VCPIP1: variants seen among roughly 807,000 people sequenced by gnomAD.
VCPIP1 encodes valosin containing protein interacting protein 1.
Under a neutral mutation model 85.0 loss-of-function variants are expected in VCPIP1, and 8 were observed. That is an observed-to-expected ratio of 0.09 (90% CI 0.06 to 0.17). VCPIP1 has a LOEUF of 0.17. Ranked by LOEUF, VCPIP1 falls within the 10% of genes least tolerant of loss-of-function variation. The probability of loss-of-function intolerance (pLI) is 1.00; values close to 1 mark genes in which losing one functional copy is unlikely to be tolerated. For missense variants in VCPIP1, 1,070 were observed against 1,486.3 expected (o/e 0.72, Z 4.61); for synonymous variants, 543 against 544.5 (o/e 1.00, Z 0.04).
chr8:66,645,759 CAAAAAAAA>C (rs1179669993), intron 2 of VCPIP1, among the ~76,000 whole-genome samples: 7 of 57,488 alleles, frequency 1.2e-4, no homozygotes, highest in Non-Finnish European at 1.6e-4. Flanking sequence ...CCTGTCTCTA[CAAAAAAAA>C]AAAAAAAAAA....
At chr8:66,650,130 A>G (rs763455908) in intron 2 of VCPIP1, among the ~76,000 whole-genome samples, 24 of 152,294 alleles carry the variant, frequency 1.6e-4, no homozygotes, top group Non-Finnish European at 3.1e-4. Flanking sequence ...AGAAGGAAAA[A>G]AAGGAAATAT....
In VCPIP1 at chr8:66,632,749, C is replaced by T. The variant is rs879344576; in HGVS notation, c.*1752G>A. On this transcript the variant is annotated 3_prime_UTR_variant, in exon 3 of 3. Coordinates refer to ENST00000310421, the MANE Select transcript of VCPIP1 (RefSeq NM_025054.5). Reference sequence around the variant, plus strand: ...GGTTAGTGAAGTGATATTTGTAATTCGTAGTTTAATACACAGAAGCCACCT... The same window carrying T: ...GGTTAGTGAAGTGATATTTGTAATTTGTAGTTTAATACACAGAAGCCACCT... 5.9e-5 allele frequency: 9 copies of T among 152,108 alleles called. No individual in the cohort carries two copies. Among genetic ancestry groups the T allele is most frequent in the African/African-American group, 1.9e-4 (8 of 41,530 alleles). The allele number at this position is 152,108 out of a possible 1,614,324, so 9.4% of individuals were successfully genotyped here.
At chr8:66,657,312 A>G (rs1036502354) in intron 1 of VCPIP1, among the ~76,000 whole-genome samples, 1 of 152,232 alleles carries the variant, frequency 6.6e-6, no homozygotes, top group East Asian at 1.9e-4. Context: ...AAATTTAAAG[A>G]AACAATTCAA....
rs553710739 is a variant in VCPIP1, at chr8:66,634,404, G to A, written c.*97C>T. 2.3e-5 allele frequency: 31 copies of A among 1,359,222 alleles called. No homozygotes were observed. Among genetic ancestry groups the A allele is most frequent in the African/African-American group, 2.2e-4 (15 of 68,720 alleles). 84.2% of individuals were successfully genotyped at this position (1,359,222 alleles called of 1,614,324 possible). A position where few individuals can be genotyped will look rare whatever the true frequency, so the allele number is the denominator to read the frequency against. ...AAGATATAATCTTTGAATTATATAC[G>A]TACAAGATTTTTAATGACTAATCAA... is the stretch of plus-strand genomic sequence containing the variant. On this transcript the variant is annotated 3_prime_UTR_variant, in exon 3 of 3. Coordinates refer to ENST00000310421, the MANE Select transcript of VCPIP1 (RefSeq NM_025054.5).
At chr8:66,656,314 C>T (rs1811099686) in intron 1 of VCPIP1, among the ~76,000 whole-genome samples, 1 of 152,108 alleles carries the variant, frequency 6.6e-6, no homozygotes, top group Admixed American at 6.5e-5. Context: ...CTCACCTCAG[C>T]TTCCTGAGTA....
intron 1 of VCPIP1, among the ~76,000 whole-genome samples, chr8:66,654,693 C>T (rs1225635660): frequency 1.3e-5 from 2 of 152,152 alleles, no homozygotes; most frequent in Non-Finnish European, 2.9e-5. Flanking sequence ...AGTCCTGCAC[C>T]ACTCTCCTAT....
At chr8:66,653,685 T>C (rs949984690) in intron 1 of VCPIP1, 1 of 152,218 alleles carries the variant, frequency 6.6e-6, no homozygotes. Context: ...CATACCTAGT[T>C]ATTCCTAATT....
chr8:66,664,383 T>C lies in VCPIP1; in HGVS notation c.2576A>G (p.Gln859Arg). 1 of 1,613,848 alleles carries C rather than the reference T, an allele frequency of 6.2e-7. No homozygotes were observed. The highest frequency in any genetic ancestry group is 8.5e-7 in the Non-Finnish European group (1 of 1,179,668). ...EILKSKAEGG[Q>R]SAAAHSAHTV... is the part of the protein sequence containing the mutation. Reference sequence around the variant, plus strand: ...GTGGGCTGAGTGTGCTGCAGCAGACTGACCACCTTCAGCTTTACTTTTTAG... The same window carrying C: ...GTGGGCTGAGTGTGCTGCAGCAGACCGACCACCTTCAGCTTTACTTTTTAG... The change falls in exon 1 of 3, where the codon CAG becomes CGG. Residue 859 changes from glutamine (Q) to arginine (R), a missense_variant. Physicochemically the swap from Gln to Arg is conservative, Grantham distance 43. Transcript: ENST00000310421.
rs182085713 is a variant in VCPIP1 at position 66,659,653 on chromosome 8, C to T, written c.2710+4596G>A. ...GCCCATTTAGTGAAAACATACAGGC[C>T]GGGTGCAGTGGCTCACGCCTGTAAT... On this transcript the variant is annotated intron_variant, in intron 1 of 2. Transcript: ENST00000310421. Among the ~76,000 whole-genome samples the T allele has an allele frequency of 1.2e-3, 190 of 152,134 alleles. 1 individual carries two copies. The highest frequency in any genetic ancestry group is 3.7e-3 in the African/African-American group (155 of 41,518).
At chr8:66,651,595 C>A in intron 1 of VCPIP1, 51 bp from the exon 2 acceptor site, 2 of 1,492,856 alleles carry the variant, frequency 1.3e-6, no homozygotes, top group Non-Finnish European at 9.2e-7. Context: ...AGAGTTCCAT[C>A]CAGGGCTGCT....
At position 66,667,060 on chromosome 8, in the gene VCPIP1, G is replaced by T; in HGVS notation, c.-102C>A. On this transcript the variant is annotated 5_prime_UTR_variant, in exon 1 of 3. Transcript: ENST00000310421. ...ACTCGGTCCAGTCCAGGCCCAGGGC[G>T]AAGCACTTTCCTTTCCCTACCAGCT... 1.4e-6 allele frequency: 2 copies of T among 1,412,584 alleles called. No individual in the cohort carries two copies. The highest frequency in any genetic ancestry group is 3.2e-5 in the South Asian group (2 of 61,592). The allele number at this position is 1,412,584 out of a possible 1,614,324, so 87.5% of individuals were successfully genotyped here.
chr8:66,638,985 T>TATATATATATATATATATATAC (rs1302544149), intron 2 of VCPIP1, among the ~76,000 whole-genome samples: 4 of 148,940 alleles, frequency 2.7e-5, no homozygotes, highest in African/African-American at 5.0e-5. Context: ...TATATATATA[T>TATATATATATATATATATATAC]ACATATATTT....
intron 2 of VCPIP1, among the ~76,000 whole-genome samples, chr8:66,643,310 G>A (rs928693974): frequency 2.0e-5 from 3 of 150,108 alleles, no homozygotes; most frequent in African/African-American, 2.5e-5. Flanking sequence ...GCAATAGAGT[G>A]AGACTTCATC....
intron 2 of VCPIP1, among the ~76,000 whole-genome samples, chr8:66,646,482 A>T (rs1810996823): frequency 6.6e-6 from 1 of 152,174 alleles, no homozygotes; most frequent in Non-Finnish European, 1.5e-5. Flanking sequence ...CTTTTTGAAG[A>T]AATCAAGCTG....
chr8:66,652,010 CAA>C (rs113576250), intron 1 of VCPIP1, among the ~76,000 whole-genome samples: 9 of 73,512 alleles, frequency 1.2e-4, no homozygotes, highest in Admixed American at 3.3e-4. Flanking sequence ...TCTATCTCTA[CAA>C]AAAAAAAAAA....
chr8:66,655,236 A>G (rs1053549667), intron 1 of VCPIP1, among the ~76,000 whole-genome samples: 1 of 152,210 alleles, frequency 6.6e-6, no homozygotes, highest in African/African-American at 2.4e-5. Flanking sequence ...TTTTACCCCC[A>G]GGGCCTCGCA....
chr8:66,652,047 T>C (rs1053202202), intron 1 of VCPIP1, among the ~76,000 whole-genome samples: 1 of 149,672 alleles, frequency 6.7e-6, no homozygotes, highest in South Asian at 2.1e-4. Context: ...CGTGGTGGCA[T>C]GTGCCTGTCA....
In VCPIP1 at chr8:66,634,938, T is replaced by A; in HGVS notation, c.3232A>T (p.Asn1078Tyr). Residue 1078 changes from asparagine to tyrosine, a missense_variant, in exon 3 of 3, where the codon AAT (asparagine) becomes TAT (tyrosine). Physicochemically the swap from Asn to Tyr is moderately radical, Grantham distance 143. Coordinates refer to ENST00000310421, the MANE Select transcript of VCPIP1 (RefSeq NM_025054.5). The stretch of plus-strand genomic sequence containing the variant: ...GGAGCTATTCGAATAAGCTCACTAT[T>A]ACTAGAAGAAGCTGTGAATACAGAA... Reference protein sequence around the residue: ...EPSVFTASSSNSELIRIAPGV... With the variant: ...EPSVFTASSSYSELIRIAPGV... The A allele has an allele frequency of 6.2e-7, 1 of 1,613,676 alleles. No individual in the cohort carries two copies. Among genetic ancestry groups the A allele is most frequent in the Non-Finnish European group, 8.5e-7 (1 of 1,179,684 alleles).
intron 1 of VCPIP1, 82 bp downstream of exon 1, chr8:66,664,167 T>A: frequency 7.1e-7 from 1 of 1,407,574 alleles, no homozygotes. Context: ...GCTACAGATT[T>A]CTTTTCCCCC....
Sources: allele counts gnomAD v4.1 joint callset (sites outside exome capture counted in the v4.1 genomes callset), GRCh38; gene constraint gnomAD v4.1.1; transcripts MANE v1.5; gene names NCBI Gene and HGNC (gene_info 2026-07-23, HGNC 2026-07-21).